The following PRKN variants were observed in gnomAD, a reference collection of about 807,000 sequenced individuals.
PRKN encodes E3 ubiquitin-protein ligase parkin.
In PRKN, 56 loss-of-function variants were observed where a neutral mutation model predicts 59.5. The ratio of observed to expected loss-of-function variants is 0.94; its 90% CI spans 0.76 to 1.18. PRKN has a LOEUF of 1.18. Among genes scored for constraint, PRKN ranks in the 50% most tolerant of loss-of-function variants. The pLI, the probability that PRKN is intolerant of heterozygous loss-of-function variation, is 0.00. For missense variants in PRKN, 657 were observed against 596.4 expected (o/e 1.10, Z -1.06); for synonymous variants, 250 against 222.1 (o/e 1.13, Z -1.12).
chr6:161,907,049 C>G (rs1008489315), intron 6 of PRKN, among the ~76,000 whole-genome samples: 3 of 152,064 alleles, frequency 2.0e-5, no homozygotes, highest in Non-Finnish European at 4.4e-5. Context: ...CACAGACACA[C>G]CAGGAATGAT....
intron 9 of PRKN, among the ~76,000 whole-genome samples, chr6:161,504,393 G>A (rs1016968904): frequency 2.0e-5 from 3 of 152,188 alleles, no homozygotes; most frequent in Non-Finnish European, 1.5e-5. Flanking sequence ...AGGGCGGGTC[G>A]GAAACCTCAG....
At chr6:161,598,304 G>A (rs1781987537) in intron 7 of PRKN, among the ~76,000 whole-genome samples, 3 of 152,134 alleles carry the variant, frequency 2.0e-5, no homozygotes, top group African/African-American at 7.2e-5. Context: ...GCATTTATCA[G>A]CATGAAAGTC....
Position 161,448,185 on chromosome 6 carries a change from C to A in PRKN, c.1084-61308G>T, listed in dbSNP as rs1052911276. ...CCTCCCTTTTGCCTCCATAAAAGATCTTCACTTTTCCCCACACCGTAATAT... is the reference window on the plus strand; with the variant it reads ...CCTCCCTTTTGCCTCCATAAAAGATATTCACTTTTCCCCACACCGTAATAT... On this transcript the variant is annotated intron_variant, in intron 9 of 11. Coordinates refer to ENST00000366898, the MANE Select transcript of PRKN (RefSeq NM_004562.3). This position sits in a 1 kb window ranked among gnomAD's most constrained non-coding sequence, Gnocchi z 5.1. Among the ~76,000 whole-genome samples the A allele has an allele frequency of 2.6e-5, 4 of 152,160 alleles. No homozygotes were observed. Among genetic ancestry groups the A allele is most frequent in the Admixed American group, 1.3e-4 (2 of 15,280 alleles).
chr6:162,564,343 C>CAA lies in PRKN; in HGVS notation c.8-120872_8-120871dup, dbSNP rs550431458. Reference sequence around the variant, plus strand: ...CTGGCAATAGAGCAAGACTCCATCTCAAAAAAAAAAGAACAAAAACAAAAA... The same window carrying CAA: ...CTGGCAATAGAGCAAGACTCCATCTCAAAAAAAAAAAAGAACAAAAACAAAAA... On this transcript the variant is annotated intron_variant, in intron 1 of 11. Transcript: ENST00000366898. 5.5e-5 allele frequency among the ~76,000 whole-genome samples: 8 copies of CAA among 144,630 alleles called. No individual in the cohort carries two copies. The South Asian group carries it at 1.8e-3, about 32-fold the overall frequency. The allele number at this position is 144,630 out of a possible 152,430, so 94.9% of individuals were successfully genotyped here.
chr6:161,704,483 TATCTCACCCGCTGA>T (rs1786398098), intron 7 of PRKN, among the ~76,000 whole-genome samples: 1 of 152,188 alleles, frequency 6.6e-6, no homozygotes, highest in Non-Finnish European at 1.5e-5. Flanking sequence ...TTTTCTTCTT[TATCTCACCCGCTGA>T]ATCTGGTTAC....
chr6:161,743,128 A>G (rs556985514), intron 7 of PRKN, among the ~76,000 whole-genome samples: 1 of 151,674 alleles, frequency 6.6e-6, no homozygotes, highest in African/African-American at 2.4e-5. Flanking sequence ...TTTGGAATGA[A>G]TATTTTACAA....
chr6:162,640,781 C>T lies in PRKN; in HGVS notation c.7+86881G>A, dbSNP rs115362512. ...TGTGCTTGACAATTCCCTGAAGGGG[C>T]AATGGTTCATAATGCTGGTACAGGC... On this transcript the variant is annotated intron_variant, in intron 1 of 11. Transcript: ENST00000366898. 6.9e-3 allele frequency among the ~76,000 whole-genome samples: 1,049 copies of T among 152,246 alleles called. 10 individuals are homozygous for T. The highest frequency in any genetic ancestry group is 0.023 in the African/African-American group (964 of 41,544).
chr6:162,175,940 T>G (rs527972470), intron 4 of PRKN, among the ~76,000 whole-genome samples: 1 of 152,230 alleles, frequency 6.6e-6, no homozygotes, highest in Non-Finnish European at 1.5e-5. Flanking sequence ...CTCTCCACCA[T>G]GTAGCCTTCA....
At chr6:161,899,460 T>C (rs559610319) in intron 6 of PRKN, among the ~76,000 whole-genome samples, 10 of 152,300 alleles carry the variant, frequency 6.6e-5, no homozygotes, top group African/African-American at 2.4e-4. Context: ...TTATCAAATA[T>C]TTACCAAAGG....
chr6:162,370,687 A>T (rs1368059867), intron 2 of PRKN, among the ~76,000 whole-genome samples: 1 of 152,206 alleles, frequency 6.6e-6, no homozygotes, highest in Admixed American at 6.5e-5. Context: ...TTCTCTGTCC[A>T]ACCTATGTAA....
At chr6:162,431,985 T>C (rs915062714) in intron 2 of PRKN, among the ~76,000 whole-genome samples, 1 of 152,192 alleles carries the variant, frequency 6.6e-6, no homozygotes, top group African/African-American at 2.4e-5. Flanking sequence ...TTAGAAGAAT[T>C]TCCCCCCTTT....
rs530742898 is a variant in PRKN, at chr6:162,067,181, C to T, written c.535-13007G>A. On this transcript the variant is annotated intron_variant, in intron 4 of 11. Transcript: ENST00000366898. ...GGGTTCCTGTCATCATGAAGTGCCA[C>T]AGCAGCCTTGAACCACCTATCTAAA... Among the ~76,000 whole-genome samples the T allele has an allele frequency of 2.6e-5, 4 of 152,320 alleles. No individual in the cohort carries two copies. The East Asian group carries it at 5.8e-4, about 22-fold the overall frequency.
rs543476237 is a variant in PRKN at position 162,189,315 on chromosome 6, C to T, written c.534+11816G>A. On this transcript the variant is annotated intron_variant, in intron 4 of 11. Coordinates refer to ENST00000366898, the MANE Select transcript of PRKN (RefSeq NM_004562.3). The stretch of plus-strand genomic sequence containing the variant: ...GATTCCTATTCTAAGTATCTTATAT[C>T]GGAGGGAATTGAGACTAGACAACTG... 5.8e-3 allele frequency among the ~76,000 whole-genome samples: 380 copies of T among 65,284 alleles called. 1 individual carries two copies. Among genetic ancestry groups the T allele is most frequent in the African/African-American group, 0.016 (361 of 21,898 alleles). The allele number at this position is 65,284 out of a possible 152,430, so 42.8% of individuals were successfully genotyped here.
At chr6:161,743,215 T>C (rs1330878197) in intron 7 of PRKN, among the ~76,000 whole-genome samples, 2 of 70,282 alleles carry the variant, frequency 2.8e-5, no homozygotes, top group African/African-American at 8.5e-5. Context: ...GTTTCTACCT[T>C]TTTTTTTTTT....
At chr6:162,034,570 A>C (rs1305501480) in intron 5 of PRKN, among the ~76,000 whole-genome samples, 1 of 152,200 alleles carries the variant, frequency 6.6e-6, no homozygotes, top group African/African-American at 2.4e-5. Flanking sequence ...TGAACAGGAG[A>C]TATTAGGCTT....
At position 161,669,647 on chromosome 6, in the gene PRKN, C is replaced by T. The variant is rs191362640; in HGVS notation, c.872-100231G>A. On this transcript the variant is annotated intron_variant, in intron 7 of 11. Transcript: ENST00000366898. ...CATTTACGTCTCTTTAAAAATGGTT[C>T]TTCTGCTTCAACCACTAGGGATTCT... Among the ~76,000 whole-genome samples, 12 of 152,344 alleles carry T rather than the reference C, an allele frequency of 7.9e-5. No homozygotes were observed. In the East Asian group the frequency reaches 2.1e-3, roughly 27 times the overall value.
intron 5 of PRKN, among the ~76,000 whole-genome samples, chr6:161,991,459 A>T (rs928843352): frequency 5.3e-5 from 8 of 152,234 alleles, no homozygotes; most frequent in African/African-American, 1.7e-4. Flanking sequence ...AATGATGGAA[A>T]TAAGTCTTTA....
At chr6:162,069,084 T>A (rs1294087849) in intron 4 of PRKN, among the ~76,000 whole-genome samples, 2 of 152,282 alleles carry the variant, frequency 1.3e-5, no homozygotes, top group African/African-American at 4.8e-5. Context: ...GGAGATGATA[T>A]GGTTTGGCTG....
In PRKN at chr6:161,357,048, C is replaced by CT. The variant is rs35219002; in HGVS notation, c.1285+3039dup. ...CAGGTCCAGGTTCGCTGACCACTTC[C>CT]TTTTTTTTTTTTTTTTTTTTTGAGA... On this transcript the variant is annotated intron_variant, in intron 11 of 11. Coordinates refer to ENST00000366898, the MANE Select transcript of PRKN (RefSeq NM_004562.3). This position sits in a 1 kb window ranked among gnomAD's most constrained non-coding sequence, Gnocchi z 5.5. 0.12 allele frequency among the ~76,000 whole-genome samples: 13,784 copies of CT among 115,556 alleles called. 1,322 individuals carry two copies. The highest frequency in any genetic ancestry group is 0.18 in the Admixed American group (1,798 of 10,206). The allele number at this position is 115,556 out of a possible 152,430, so 75.8% of individuals were successfully genotyped here. A position where few individuals can be genotyped will look rare whatever the true frequency, so the allele number is the denominator to read the frequency against.
Sources: gnomAD v4.1 joint callset for allele counts (sites outside exome capture counted in the v4.1 genomes callset) on GRCh38, gnomAD v4.1.1 for gene constraint, Gnocchi (gnomAD v3.1) non-coding constraint, MANE v1.5 for transcripts, NCBI Gene and HGNC (gene_info 2026-07-23, HGNC 2026-07-21) for gene names.